Variants in PTPRD observed in about 807,000 individuals in gnomAD.
PTPRD encodes the protein protein tyrosine phosphatase receptor type D.
A neutral mutation model predicts 214.5 loss-of-function variants in PTPRD; 34 were observed. The observed-to-expected ratio is 0.16, with a 90% CI of 0.12 to 0.21. The LOEUF (loss-of-function observed/expected upper bound fraction) is 0.21. Ranked by LOEUF, PTPRD falls within the 10% of genes least tolerant of loss-of-function variation. The probability of loss-of-function intolerance (pLI) is 1.00; values close to 1 mark genes in which losing one functional copy is unlikely to be tolerated. For missense variants in PTPRD, 2,545 were observed against 2,398.7 expected (o/e 1.06, Z -1.27); for synonymous variants, 1,128 against 845.7 (o/e 1.33, Z -5.79).
chr9:9,352,335 GTGTGTGTGTGTGTGTGTGTATATA>G (rs2051645795), intron 9 of PTPRD, among the ~76,000 whole-genome samples: 2 of 143,760 alleles, frequency 1.4e-5, no homozygotes, highest in Non-Finnish European at 3.1e-5. Flanking sequence ...ATATGTGTGT[GTGTGTGTGTGTGTGTGTGTATATA>G]TGTGTGTGTG....
chr9:8,764,694 C>T (rs1050719592), intron 11 of PTPRD, among the ~76,000 whole-genome samples: 2 of 151,866 alleles, frequency 1.3e-5, no homozygotes, highest in Non-Finnish European at 2.9e-5. Context: ...ACTCAGGAGG[C>T]TGAGGCAGGA....
At chr9:9,906,593 T>A (rs2077631186) in intron 5 of PTPRD, among the ~76,000 whole-genome samples, 1 of 151,954 alleles carries the variant, frequency 6.6e-6, no homozygotes, top group African/African-American at 2.4e-5. Context: ...TTTATTTAAG[T>A]CATACTACAC....
At chr9:10,507,029 G>C (rs932909909) in intron 2 of PTPRD, among the ~76,000 whole-genome samples, 1 of 152,000 alleles carries the variant, frequency 6.6e-6, no homozygotes, top group Middle Eastern at 3.4e-3. Context: ...GTTTTCAAAG[G>C]GAATGTTTCC....
intron 8 of PTPRD, among the ~76,000 whole-genome samples, chr9:9,457,297 C>G (rs1307204265): frequency 6.6e-6 from 1 of 151,922 alleles, no homozygotes; most frequent in Non-Finnish European, 1.5e-5. Context: ...CAATATAGTC[C>G]TTTATGATAA....
chr9:10,026,998 G>C (rs1352212252), intron 4 of PTPRD, among the ~76,000 whole-genome samples: 2 of 152,034 alleles, frequency 1.3e-5, no homozygotes, highest in Admixed American at 6.6e-5. Context: ...GCAAACCAGA[G>C]AATGTATTGT....
intron 2 of PTPRD, among the ~76,000 whole-genome samples, chr9:10,451,540 C>G (rs550326030): frequency 4.6e-5 from 7 of 151,554 alleles, no homozygotes; most frequent in African/African-American, 1.5e-4. Context: ...TCAGACTGTT[C>G]ATTATCTGTA....
At chr9:8,325,669 T>A (rs1039237055) in intron 44 of PTPRD, among the ~76,000 whole-genome samples, 1 of 151,898 alleles carries the variant, frequency 6.6e-6, no homozygotes, top group Non-Finnish European at 1.5e-5. Flanking sequence ...ATAAATTACC[T>A]TGGGCAGTAT....
intron 11 of PTPRD, among the ~76,000 whole-genome samples, chr9:8,971,621 T>C (rs1158847014): frequency 6.6e-6 from 1 of 151,734 alleles, no homozygotes; most frequent in African/African-American, 2.4e-5. Flanking sequence ...TGGCAAACTA[T>C]TGAAGTTTCC....
chr9:9,797,179 A>G (rs2099007915), intron 5 of PTPRD, among the ~76,000 whole-genome samples: 1 of 151,260 alleles, frequency 6.6e-6, no homozygotes. Flanking sequence ...AAAATACAAC[A>G]TATGCATAAA....
chr9:10,376,791 G>A (rs1164712368), intron 2 of PTPRD, among the ~76,000 whole-genome samples: 1 of 151,792 alleles, frequency 6.6e-6, no homozygotes, highest in South Asian at 2.1e-4. Flanking sequence ...CATAGGAAGT[G>A]TATACTTATG....
At chr9:10,392,826 C>T (rs1315700406) in intron 2 of PTPRD, among the ~76,000 whole-genome samples, 6 of 151,774 alleles carry the variant, frequency 4.0e-5, no homozygotes, top group African/African-American at 7.3e-5. Flanking sequence ...GGAGCATGTG[C>T]TATTTTGGAA....
chr9:8,740,991 G>T (rs1243489306), intron 11 of PTPRD, among the ~76,000 whole-genome samples: 1 of 152,084 alleles, frequency 6.6e-6, no homozygotes, highest in Non-Finnish European at 1.5e-5. Context: ...AGAAAAAAAA[G>T]TCAATAGCTA....
chr9:9,016,656 C>T (rs1022984062), intron 11 of PTPRD, among the ~76,000 whole-genome samples: 3 of 152,062 alleles, frequency 2.0e-5, no homozygotes, highest in Non-Finnish European at 2.9e-5. Flanking sequence ...TTTGACCTAC[C>T]CCCTAAATGA....
intron 12 of PTPRD, among the ~76,000 whole-genome samples, chr9:8,711,050 AT>A (rs1264003608): frequency 1.3e-5 from 2 of 152,264 alleles, no homozygotes; most frequent in Middle Eastern, 3.5e-3. Context: ...TTAATGTCAG[AT>A]ATCCAAAATG....
At chr9:10,119,560 T>C (rs2098758287) in intron 3 of PTPRD, among the ~76,000 whole-genome samples, 1 of 151,996 alleles carries the variant, frequency 6.6e-6, no homozygotes, top group Non-Finnish European at 1.5e-5. Context: ...CTCATCCATA[T>C]ATAAAATAAA....
At chr9:9,693,808 A>C (rs144741674) in intron 7 of PTPRD, among the ~76,000 whole-genome samples, 1 of 152,002 alleles carries the variant, frequency 6.6e-6, no homozygotes, top group Non-Finnish European at 1.5e-5. Flanking sequence ...GTCTCCTCTG[A>C]CTGTATTTTC....
At chr9:8,757,866 C>T (rs2094134028) in intron 11 of PTPRD, among the ~76,000 whole-genome samples, 1 of 152,106 alleles carries the variant, frequency 6.6e-6, no homozygotes. Context: ...TGGCATGAGA[C>T]ATTTCTGATT....
chr9:9,293,844 A>G (rs1391471799), intron 9 of PTPRD, among the ~76,000 whole-genome samples: 1 of 151,636 alleles, frequency 6.6e-6, no homozygotes, highest in African/African-American at 2.4e-5. Context: ...AATTAACACT[A>G]ATTTCCTTTT....
At chr9:8,842,286 G>A (rs944242683) in intron 11 of PTPRD, among the ~76,000 whole-genome samples, 4 of 152,096 alleles carry the variant, frequency 2.6e-5, no homozygotes, top group East Asian at 1.9e-4. Flanking sequence ...GAGAAAGGGC[G>A]ACTATGTTTT....
Sources: gnomAD v4.1 joint callset for allele counts (sites outside exome capture counted in the v4.1 genomes callset) on GRCh38, gnomAD v4.1.1 for gene constraint, MANE v1.5 for transcripts, NCBI Gene and HGNC (gene_info 2026-07-23, HGNC 2026-07-21) for gene names.